MTMR14: variants seen among roughly 807,000 people sequenced by gnomAD.
MTMR14 encodes the protein phosphatidylinositol-3,5-bisphosphate 3-phosphatase MTMR14.
In MTMR14, 48 loss-of-function variants were observed where a neutral mutation model predicts 86.3. The observed-to-expected ratio is 0.56, with a 90% CI of 0.44 to 0.71. MTMR14 has a LOEUF of 0.71. Among genes scored for constraint, MTMR14 ranks in the 30% least tolerant of loss-of-function variants. The pLI, the probability that MTMR14 is intolerant of heterozygous loss-of-function variation, is 0.00. For synonymous variants in MTMR14, 366 were observed against 326.1 expected (o/e 1.12, Z -1.32); for missense variants, 780 against 834.6 (o/e 0.93, Z 0.81).
intron 2 of MTMR14, chr3:9,659,537 G>A (rs939117999): frequency 5.0e-5 from 18 of 357,802 alleles, no homozygotes; most frequent in African/African-American, 3.8e-4. Flanking sequence ...TCCGCCTCCT[G>A]GGTTCAAGCA....
At chr3:9,688,325 G>A (rs1316931471) in intron 14 of MTMR14, among the ~76,000 whole-genome samples, 1 of 152,218 alleles carries the variant, frequency 6.6e-6, no homozygotes, top group Non-Finnish European at 1.5e-5. Flanking sequence ...TTCCGGCCTG[G>A]GAAATGCAAG....
chr3:9,649,713 AAGGATGGCAGCG>A lies in MTMR14; in HGVS notation c.131_142del (p.Lys44_Gly48delinsArg). Reference sequence around the variant, plus strand: ...GTTCTCCCGGACTCAGTACCGGGCCAAGGATGGCAGCGGGACCGGCGGCTCTAAGGTGAGATT... The same window carrying A: ...GTTCTCCCGGACTCAGTACCGGGCCAGGACCGGCGGCTCTAAGGTGAGATT... On this transcript the variant is annotated inframe_deletion, in exon 1 of 19. Transcript: ENST00000296003. 1.2e-6 allele frequency: 2 copies of A among 1,613,446 alleles called. No homozygotes were observed. The highest frequency in any genetic ancestry group is 3.3e-4 in the Middle Eastern group (2 of 6,060).
chr3:9,683,355 T>C (rs2075833010), intron 10 of MTMR14, 111 bp downstream of exon 10: 1 of 1,056,368 alleles, frequency 9.5e-7, no homozygotes, highest in Non-Finnish European at 1.5e-6. Context: ...TTTTGTGCTG[T>C]GGGAGAGGAA....
At position 9,688,732 on chromosome 3, in the gene MTMR14, C is replaced by G. The variant is rs190282217; in HGVS notation, c.1272C>G (p.Thr424=). The part of the protein sequence containing the change: ...KSLPARDGGF[T]LEDICMLRRK... ...TGCCAGCCCGGGATGGAGGCTTCAC[C>G]CTGGAAGACATCTGCATGCTGAGTG... The change falls in exon 15 of 19, where the codon ACC becomes ACG. Residue 424 remains threonine (T), a synonymous_variant. Transcript: ENST00000296003. 3.7e-6 allele frequency: 6 copies of G among 1,614,066 alleles called. No homozygotes were observed. Among genetic ancestry groups the G allele is most frequent in the Non-Finnish European group, 4.2e-6 (5 of 1,180,044 alleles).
chr3:9,674,559 A>G (rs942400810), intron 7 of MTMR14, among the ~76,000 whole-genome samples: 2 of 152,216 alleles, frequency 1.3e-5, no homozygotes, highest in Non-Finnish European at 2.9e-5. Context: ...AGGCCTAGGC[A>G]GTAAGATTGC....
At chr3:9,659,037 C>T (rs1364455495) in intron 2 of MTMR14, among the ~76,000 whole-genome samples, 2 of 152,148 alleles carry the variant, frequency 1.3e-5, no homozygotes. Flanking sequence ...CTGAATTAAA[C>T]AGTCTGGGCA....
At chr3:9,668,647 G>C in intron 3 of MTMR14, 72 bp from the exon 4 acceptor site, 1 of 1,513,758 alleles carries the variant, frequency 6.6e-7, no homozygotes, top group Non-Finnish European at 9.2e-7. Flanking sequence ...AGTCAGAGGA[G>C]TCCCACATGT....
rs1471451280 is a variant in MTMR14 at position 9,671,052 on chromosome 3, G to A, written c.559G>A (p.Gly187Ser). ...CCCTCTGGCTCTTTATTTCAGAAGT[G>A]GTGACACGCATCTTTTTGATAAGGT... ...VTEEDCALRSGDTHLFDKVRG... is the reference protein window; with the variant it reads ...VTEEDCALRSSDTHLFDKVRG... Residue 187 changes from glycine (G) to serine (S), a missense_variant, in exon 6 of 19, where the codon GGT becomes AGT. Physicochemically the swap from Gly to Ser is moderately conservative, Grantham distance 56. Coordinates refer to ENST00000296003, the MANE Select transcript of MTMR14 (RefSeq NM_001077525.3). 6.2e-7 allele frequency: 1 copy of A among 1,614,008 alleles called. No homozygotes were observed. Among genetic ancestry groups the A allele is most frequent in the Admixed American group, 1.7e-5 (1 of 60,006 alleles).
intron 1 of MTMR14, among the ~76,000 whole-genome samples, chr3:9,650,898 C>T (rs2047244240): frequency 1.3e-5 from 2 of 151,824 alleles, no homozygotes; most frequent in East Asian, 1.9e-4. Flanking sequence ...AGCAATTCTC[C>T]CTGCCTCAAC....
intron 9 of MTMR14, among the ~76,000 whole-genome samples, chr3:9,678,600 T>G (rs1432336285): frequency 1.3e-5 from 2 of 152,198 alleles, no homozygotes; most frequent in Non-Finnish European, 2.9e-5. Context: ...AGTAGTTTTG[T>G]TTTTCTGCGA....
In MTMR14 at chr3:9,649,576, G is replaced by C; in HGVS notation, c.-8G>C. On this transcript the variant is annotated 5_prime_UTR_variant, in exon 1 of 19. Coordinates refer to ENST00000296003, the MANE Select transcript of MTMR14 (RefSeq NM_001077525.3). Reference sequence around the variant, plus strand: ...TTGAGGCACACTGAGGGGACGCGGGGCTGGGCCATGGCCGGCGCTCGGGCC... The same window carrying C: ...TTGAGGCACACTGAGGGGACGCGGGCCTGGGCCATGGCCGGCGCTCGGGCC... The C allele has an allele frequency of 1.3e-6, 2 of 1,541,996 alleles. No homozygotes were observed. The highest frequency in any genetic ancestry group is 1.7e-6 in the Non-Finnish European group (2 of 1,143,958).
At chr3:9,680,672 A>C (rs552516999) in intron 9 of MTMR14, among the ~76,000 whole-genome samples, 213 of 152,154 alleles carry the variant, frequency 1.4e-3, no homozygotes, top group Non-Finnish European at 2.4e-3. Flanking sequence ...AGTGAAACCC[A>C]ATCTCTACTA....
intron 7 of MTMR14, 146 bp downstream of exon 7, chr3:9,672,904 G>A (rs2048652651): frequency 3.9e-6 from 3 of 769,712 alleles, no homozygotes; most frequent in African/African-American, 3.4e-5. Flanking sequence ...TTGGTTCCCA[G>A]TCACAGGCCA....
chr3:9,687,658 G>T (rs965858249), intron 13 of MTMR14, among the ~76,000 whole-genome samples, 163 bp from the exon 14 acceptor site: 7 of 151,900 alleles, frequency 4.6e-5, no homozygotes, highest in Non-Finnish European at 7.4e-5. Context: ...CCCTTCCAAG[G>T]CCTCTGTACC....
Position 9,677,216 on chromosome 3 carries a change from C to A in MTMR14, c.752-101C>A. ...AGCTTGGAGAAGTGTGAGTTGGCGG[C>A]CCCCTCTCCACAGCACTCAGGGACC... is the stretch of plus-strand genomic sequence containing the variant. On this transcript the variant is annotated intron_variant, in intron 7 of 18. Coordinates refer to ENST00000296003, the MANE Select transcript of MTMR14 (RefSeq NM_001077525.3). The surrounding 1 kb of genome is among the most constrained non-coding windows in gnomAD (Gnocchi z 4.2). The A allele has an allele frequency of 9.8e-7, 1 of 1,017,572 alleles. No homozygotes were observed. The highest frequency in any genetic ancestry group is 1.5e-6 in the Non-Finnish European group (1 of 656,468). 63.0% of individuals were successfully genotyped at this position (1,017,572 alleles called of 1,614,324 possible).
At chr3:9,659,007 T>A (rs1295580794) in intron 2 of MTMR14, among the ~76,000 whole-genome samples, 1 of 152,202 alleles carries the variant, frequency 6.6e-6, no homozygotes, top group African/African-American at 2.4e-5. Context: ...TTAAACTGAA[T>A]AGACTGAATA....
intron 2 of MTMR14, among the ~76,000 whole-genome samples, chr3:9,659,444 CTTTT>C (rs546901318): frequency 4.3e-5 from 6 of 139,090 alleles, no homozygotes; most frequent in African/African-American, 5.2e-5. Flanking sequence ...TGAATTGGTT[CTTTT>C]TTTTTTTTTT....
intron 1 of MTMR14, among the ~76,000 whole-genome samples, chr3:9,650,137 C>T (rs1267220582): frequency 6.6e-6 from 1 of 152,116 alleles, no homozygotes; most frequent in African/African-American, 2.4e-5. Context: ...GACGATTCCT[C>T]GGGGTCAGAG....
At chr3:9,666,126 T>C (rs932066444) in intron 3 of MTMR14, among the ~76,000 whole-genome samples, 35 of 149,244 alleles carry the variant, frequency 2.3e-4, no homozygotes, top group African/African-American at 8.3e-4. Flanking sequence ...ATGCCCAAAG[T>C]TTGTTGGTTT....
Sources: allele counts gnomAD v4.1 joint callset (sites outside exome capture counted in the v4.1 genomes callset), GRCh38; gene constraint gnomAD v4.1.1; non-coding constraint Gnocchi (gnomAD v3.1); transcripts MANE v1.5; gene names NCBI Gene and HGNC (gene_info 2026-07-23, HGNC 2026-07-21).